DCAF15: variants seen among roughly 807,000 people sequenced by gnomAD.
DCAF15 encodes DDB1 and CUL4 associated factor 15.
DCAF15 carries 24 observed loss-of-function variants against 68.0 expected under a neutral mutation model. The observed-to-expected ratio is 0.35, with a 90% CI of 0.26 to 0.50. The LOEUF is 0.50. DCAF15 is among the 20% of genes least tolerant of loss of function. The pLI is 0.98. For missense variants in DCAF15, 627 were observed against 830.6 expected, an observed-to-expected ratio of 0.75 and a Z score of 3.01; for synonymous variants, 376 against 341.6, an observed-to-expected ratio of 1.10 and a Z score of -1.11.
At chr19:13,953,610 G>A (rs1371945566) in intron 1 of DCAF15, among the ~76,000 whole-genome samples, 1 of 152,248 alleles carries the variant, frequency 6.6e-6, no homozygotes, top group Non-Finnish European at 1.5e-5. Context: ...CATCAGACAG[G>A]GAGCTTCCCA....
intron 1 of DCAF15, among the ~76,000 whole-genome samples, chr19:13,953,953 C>T (rs1973216932): frequency 6.6e-6 from 1 of 152,248 alleles, no homozygotes; most frequent in South Asian, 2.1e-4. Context: ...TCTGTCCCAG[C>T]CTCCTTAGTA....
chr19:13,958,202 G>A (rs1014530068), intron 6 of DCAF15, among the ~76,000 whole-genome samples: 1 of 152,150 alleles, frequency 6.6e-6, no homozygotes, highest in African/African-American at 2.4e-5. Context: ...GTCCTGTTAG[G>A]AACGACCACA....
chr19:13,960,795 G>A, intron 12 of DCAF15, 145 bp from the exon 13 acceptor site: 1 of 1,055,230 alleles, frequency 9.5e-7, no homozygotes, highest in Non-Finnish European at 1.4e-6. Flanking sequence ...CATTTATTGG[G>A]TAGCTGCAGG....
chr19:13,960,831 G>A (rs1973597369), intron 12 of DCAF15, 109 bp from the exon 13 acceptor site: 3 of 1,413,034 alleles, frequency 2.1e-6, no homozygotes, highest in Non-Finnish European at 3.0e-6. Flanking sequence ...AACTCAGCAG[G>A]GTCCCTGCCT....
Position 13,956,135 on chromosome 19 carries a change from C to T in DCAF15, c.486C>T (p.Ala162=). The T allele has an allele frequency of 6.2e-7, 1 of 1,609,396 alleles. No individual in the cohort carries two copies. The highest frequency in any genetic ancestry group is 8.5e-7 in the Non-Finnish European group (1 of 1,178,446). ...VIVFGFNTRS[A]NGMLMNMMMM... ...TGCTGGCCCCCAGCACCCGCTCGGCCAACGGGATGCTCATGAACATGATGA... is the reference window on the plus strand; with the variant it reads ...TGCTGGCCCCCAGCACCCGCTCGGCTAACGGGATGCTCATGAACATGATGA... The change falls in exon 5 of 13, where the codon GCC becomes GCT. Residue 162 remains alanine, a synonymous_variant. Coordinates refer to ENST00000254337, the MANE Select transcript of DCAF15 (RefSeq NM_138353.4).
chr19:13,958,490 A>C (rs1370708270), intron 6 of DCAF15, among the ~76,000 whole-genome samples: 2 of 152,104 alleles, frequency 1.3e-5, no homozygotes, highest in East Asian at 1.9e-4. Flanking sequence ...GCCCAGCCAC[A>C]GGGTTGCTTA....
chr19:13,959,456 G>A lies in DCAF15; in HGVS notation c.1196G>A (p.Gly399Glu). The change falls in exon 7 of 13, where the codon GGA becomes GAA. Residue 399 changes from glycine to glutamate, a missense_variant. Coordinates refer to ENST00000254337, the MANE Select transcript of DCAF15 (RefSeq NM_138353.4). The stretch of plus-strand genomic sequence containing the variant: ...AAGCTGTACTATGTGCTGGAGTCCG[G>A]AGAGGGGACGGAGCCGGAGGATGGT... ...YTKLYYVLESGEGTEPEDELE... is the reference protein window; with the variant it reads ...YTKLYYVLESEEGTEPEDELE... 1 of 1,609,954 alleles carries A rather than the reference G, an allele frequency of 6.2e-7. No individual in the cohort carries two copies.
Position 13,956,349 on chromosome 19 carries a change from C to T in DCAF15, c.614-3C>T, listed in dbSNP as rs377014814. On this transcript the variant is annotated splice_polypyrimidine_tract_variant and splice_region_variant and intron_variant, in intron 5 of 12. Transcript: ENST00000254337. ...TGAGCTGCTGTGGCGTGTGTTGCTA[C>T]AGGAGACCCGAATGCACAGTGCCTA... The T allele has an allele frequency of 3.2e-5, 51 of 1,613,508 alleles. No individual in the cohort carries two copies. The Middle Eastern group carries it at 6.6e-4, about 21-fold the overall frequency.
intron 1 of DCAF15, chr19:13,953,297 G>T: frequency 1.5e-6 from 1 of 650,598 alleles, no homozygotes; most frequent in Middle Eastern, 2.6e-4. Flanking sequence ...CAGAAATGTG[G>T]ATCTCTTGCA....
rs772401563 is a variant in DCAF15, at chr19:13,956,216, G to A, written c.567G>A (p.Pro189=). ...DIYVSTVAVP[P]PGRCAACQDA... ...ACGTCAGCACCGTGGCCGTGCCACC[G>A]CCAGGCCGCTGTGCTGCTTGCCAGG... The change falls in exon 5 of 13, where the codon CCG becomes CCA. Residue 189 remains proline (P), a synonymous_variant. Transcript: ENST00000254337. 7.4e-6 allele frequency: 12 copies of A among 1,612,030 alleles called. No homozygotes were observed. In the South Asian group the frequency reaches 8.8e-5, roughly 12 times the overall value.
At position 13,959,181 on chromosome 19, in the gene DCAF15, T is replaced by G. The variant is rs1320026505; in HGVS notation, c.921T>G (p.Ser307=). The change falls in exon 7 of 13, where the codon TCT becomes TCG. Residue 307 remains serine (S), a synonymous_variant. Transcript: ENST00000254337. Reference sequence around the variant, plus strand: ...GCCCTGAGGCGGCCCCAGCCCGTTCTTCTGGGTCTCCTGAGCCCTCGCCCG... The same window carrying G: ...GCCCTGAGGCGGCCCCAGCCCGTTCGTCTGGGTCTCCTGAGCCCTCGCCCG... ...SFCPEAAPAR[S]SGSPEPSPAI... is the part of the protein sequence containing the mutation. The G allele has an allele frequency of 6.2e-7, 1 of 1,612,604 alleles. No individual in the cohort carries two copies. Among genetic ancestry groups the G allele is most frequent in the African/African-American group, 1.3e-5 (1 of 74,900 alleles).
At chr19:13,955,886 G>A (rs1438668619) in intron 3 of DCAF15, 26 bp from the exon 4 acceptor site, 1 of 1,611,860 alleles carries the variant, frequency 6.2e-7, no homozygotes, top group South Asian at 1.1e-5. Context: ...CCCTGACCCG[G>A]TGCTGCCCCT....
chr19:13,953,727 C>G (rs1167541026), intron 1 of DCAF15, among the ~76,000 whole-genome samples: 2 of 152,154 alleles, frequency 1.3e-5, no homozygotes, highest in Non-Finnish European at 2.9e-5. Context: ...TCAGTCCCCG[C>G]AGATCCTTCC....
In DCAF15 at chr19:13,961,172, T is replaced by C. The variant is rs1973620759; in HGVS notation, c.*177T>C. On this transcript the variant is annotated 3_prime_UTR_variant, in exon 13 of 13. Transcript: ENST00000254337. ...TGTTGGCCTGAGGGTCTGGACGCTT[T>C]TTATTTATGCCTATTTAAGTTGGGA... is the stretch of plus-strand genomic sequence containing the variant. The C allele has an allele frequency of 1.4e-6, 1 of 706,046 alleles. No individual in the cohort carries two copies. The allele number at this position is 706,046 out of a possible 1,614,324, so 43.7% of individuals were successfully genotyped here. A position where few individuals can be genotyped will look rare whatever the true frequency, so the allele number is the denominator to read the frequency against.
Position 13,959,241 on chromosome 19 carries a change from C to T in DCAF15, c.981C>T (p.Ile327=). 6.2e-7 allele frequency: 1 copy of T among 1,612,800 alleles called. No individual in the cohort carries two copies. The change falls in exon 7 of 13, where the codon ATC becomes ATT. Residue 327 remains isoleucine, a synonymous_variant. Transcript: ENST00000254337. ...AAGCCAAGGAGTTTGTGGCTGACAT[C>T]TTCCGCCGGGCCAAAGAGGCCAAGG... ...IAKAKEFVAD[I]FRRAKEAKGG...
chr19:13,956,565 G>A (rs777165747), intron 6 of DCAF15, 43 bp downstream of exon 6: 7 of 1,603,314 alleles, frequency 4.4e-6, no homozygotes, highest in Non-Finnish European at 6.0e-6. Flanking sequence ...CGCGTGAAGC[G>A]GGTCCTCTCC....
chr19:13,960,144 A>T, intron 10 of DCAF15, 75 bp downstream of exon 10: 2 of 1,588,368 alleles, frequency 1.3e-6, no homozygotes, highest in East Asian at 4.5e-5. Context: ...GGGTGTGGGG[A>T]CGTGAGAAGG....
chr19:13,960,488 G>T lies in DCAF15; in HGVS notation c.1655G>T (p.Arg552Leu). 1 of 1,611,136 alleles carries T rather than the reference G, an allele frequency of 6.2e-7. No individual in the cohort carries two copies. Among genetic ancestry groups the T allele is most frequent in the Non-Finnish European group, 8.5e-7 (1 of 1,179,034 alleles). Reference sequence around the variant, plus strand: ...AGCGGCAGTGTCTGGAGCTCCTACCGCAAGAGCTGCGTGGACATGGTCATG... The same window carrying T: ...AGCGGCAGTGTCTGGAGCTCCTACCTCAAGAGCTGCGTGGACATGGTCATG... ...QTSGSVWSSY[R>L]KSCVDMVMKW... The change falls in exon 12 of 13, where the codon CGC (arginine) becomes CTC (leucine). Residue 552 changes from arginine to leucine, a missense_variant. By Grantham distance (102) the Arg-to-Leu change is moderately radical. This residue lies in a region of DCAF15 where 118 missense variants were observed against 211.8 expected (regional missense o/e 0.56). Transcript: ENST00000254337.
rs1244729006 is a variant in DCAF15, at chr19:13,959,037, CTT to C, written c.785-7_785-6del. 2 of 1,589,408 alleles carry C rather than the reference CTT, an allele frequency of 1.3e-6. No individual in the cohort carries two copies. The highest frequency in any genetic ancestry group is 1.3e-5 in the African/African-American group (1 of 74,276). On this transcript the variant is annotated splice_polypyrimidine_tract_variant and splice_region_variant and intron_variant, in intron 6 of 12. Transcript: ENST00000254337. ...GACTGACACTTCTCCACCCCCATCT[CTT>C]CTTAGGTGACAGGAGTTTCTGCCAA...
Sources: gnomAD v4.1 joint callset for allele counts (sites outside exome capture counted in the v4.1 genomes callset) on GRCh38, gnomAD v4.1.1 for gene constraint, gnomAD v4.1.1 regional missense constraint, MANE v1.5 for transcripts, NCBI Gene and HGNC (gene_info 2026-07-23, HGNC 2026-07-21) for gene names.